NRXN3: variants seen among roughly 807,000 people sequenced by gnomAD.
NRXN3 encodes the protein neurexin III.
NRXN3 carries 32 observed loss-of-function variants against 137.6 expected under a neutral mutation model. The observed-to-expected ratio is 0.23, with a 90% confidence interval of 0.18 to 0.31. The LOEUF (loss-of-function observed/expected upper bound fraction) is 0.31. NRXN3 is among the 10% of genes least tolerant of loss of function. The probability of loss-of-function intolerance (pLI) is 1.00; values close to 1 mark genes in which losing one functional copy is unlikely to be tolerated. For synonymous variants in NRXN3, 798 were observed against 784.5 expected, an observed-to-expected ratio of 1.02 and a Z score of -0.29; for missense variants, 1,574 against 2,062.5, an observed-to-expected ratio of 0.76 and a Z score of 4.59.
At chr14:78,746,981 G>A (rs530763240) in intron 8 of NRXN3, among the ~76,000 whole-genome samples, 2 of 152,302 alleles carry the variant, frequency 1.3e-5, no homozygotes, top group South Asian at 4.1e-4. Flanking sequence ...ATGATCTGTG[G>A]TTGTTAAAAT....
intron 4 of NRXN3, among the ~76,000 whole-genome samples, chr14:78,513,920 A>G (rs1191798829): frequency 2.0e-5 from 3 of 152,128 alleles, no homozygotes; most frequent in Admixed American, 6.6e-5. Context: ...GGCTTCTATA[A>G]CATTGCTTAC....
chr14:79,674,274 A>G (rs915684379), intron 17 of NRXN3, among the ~76,000 whole-genome samples: 1 of 151,796 alleles, frequency 6.6e-6, no homozygotes, highest in East Asian at 1.9e-4. Flanking sequence ...TTTTTTTTAC[A>G]GTTTTATTGA....
intron 15 of NRXN3, among the ~76,000 whole-genome samples, chr14:79,093,329 G>T (rs532571507): frequency 2.0e-5 from 3 of 152,102 alleles, no homozygotes; most frequent in African/African-American, 4.8e-5. Context: ...CCCAGAAAAC[G>T]TAAGTAAGGC....
At chr14:78,884,845 A>G (rs1257944195) in intron 10 of NRXN3, among the ~76,000 whole-genome samples, 2 of 152,138 alleles carry the variant, frequency 1.3e-5, no homozygotes, top group Non-Finnish European at 1.5e-5. Context: ...TCTGGGTCTC[A>G]GTTTTCTCAT....
At chr14:79,792,684 T>C (rs1468313715) in intron 19 of NRXN3, among the ~76,000 whole-genome samples, 1 of 152,184 alleles carries the variant, frequency 6.6e-6, no homozygotes, top group Admixed American at 6.5e-5. Flanking sequence ...CAGCAGAGTT[T>C]GTGCTTATTG....
intron 4 of NRXN3, among the ~76,000 whole-genome samples, chr14:78,311,689 T>C (rs774719105): frequency 6.6e-6 from 1 of 152,068 alleles, no homozygotes; most frequent in Non-Finnish European, 1.5e-5. Context: ...AAAATAGTAA[T>C]CCTCATAAAA....
At chr14:78,850,044 T>C (rs2099038412) in intron 10 of NRXN3, among the ~76,000 whole-genome samples, 1 of 152,102 alleles carries the variant, frequency 6.6e-6, no homozygotes. Context: ...CAAAATGTAA[T>C]CACTTCCCTT....
At chr14:78,289,524 G>A (rs1208592256) in intron 3 of NRXN3, among the ~76,000 whole-genome samples, 1 of 151,890 alleles carries the variant, frequency 6.6e-6, no homozygotes, top group Middle Eastern at 3.4e-3. Context: ...CTTTTTTATG[G>A]CATTTCTGGC....
At position 79,518,352 on chromosome 14, in the gene NRXN3, GTCTT is replaced by G. The variant is rs940256365; in HGVS notation, c.3444+50954_3444+50957del. Reference sequence around the variant, plus strand: ...GCTATAACTTCTATGACCTATATGTGTCTTTCTATTTAGTGACATGATCTGTCTC... The same window carrying G: ...GCTATAACTTCTATGACCTATATGTGTCTATTTAGTGACATGATCTGTCTC... On this transcript the variant is annotated intron_variant, in intron 16 of 20. Coordinates refer to ENST00000335750, the MANE Select transcript of NRXN3 (RefSeq NM_001330195.2). 7.2e-5 allele frequency among the ~76,000 whole-genome samples: 11 copies of G among 152,060 alleles called. No individual in the cohort carries two copies. The East Asian group carries it at 1.5e-3, about 21-fold the overall frequency.
chr14:78,376,026 A>ACACACACACACG (rs1280191214), intron 4 of NRXN3, among the ~76,000 whole-genome samples: 1 of 151,812 alleles, frequency 6.6e-6, no homozygotes, highest in African/African-American at 2.4e-5. Flanking sequence ...ACACATACAC[A>ACACACACACACG]CACACACACA....
intron 19 of NRXN3, among the ~76,000 whole-genome samples, chr14:79,766,285 AG>A (rs1354934386): frequency 6.6e-6 from 1 of 152,140 alleles, no homozygotes; most frequent in Admixed American, 6.6e-5. Flanking sequence ...TTTTTCTCTA[AG>A]GATAGTGGCT....
At chr14:78,264,159 A>G (rs1355637067) in intron 2 of NRXN3, among the ~76,000 whole-genome samples, 4 of 152,210 alleles carry the variant, frequency 2.6e-5, no homozygotes, top group Non-Finnish European at 4.4e-5. Context: ...GGCAGCAGAT[A>G]TCTGTTGGGT....
chr14:79,682,706 G>T (rs1001640026), intron 17 of NRXN3, among the ~76,000 whole-genome samples: 4 of 152,108 alleles, frequency 2.6e-5, no homozygotes, highest in African/African-American at 9.7e-5. Context: ...CATCAAAATA[G>T]AGAATATATA....
chr14:78,264,163 G>C (rs2071293146), intron 2 of NRXN3, among the ~76,000 whole-genome samples: 1 of 152,210 alleles, frequency 6.6e-6, no homozygotes, highest in South Asian at 2.1e-4. Context: ...GCAGATATCT[G>C]TTGGGTCACT....
intron 15 of NRXN3, among the ~76,000 whole-genome samples, chr14:79,263,675 A>G (rs2077987316): frequency 6.6e-6 from 1 of 152,242 alleles, no homozygotes; most frequent in East Asian, 1.9e-4. Context: ...GTTCTTCAAC[A>G]TTTCTGGGTC....
intron 15 of NRXN3, among the ~76,000 whole-genome samples, chr14:78,995,610 G>A (rs2099528384): frequency 6.6e-6 from 1 of 152,090 alleles, no homozygotes; most frequent in African/African-American, 2.4e-5. Flanking sequence ...TAGGAGATAT[G>A]GCACATGATG....
intron 4 of NRXN3, among the ~76,000 whole-genome samples, chr14:78,558,850 G>T (rs144743565): frequency 2.6e-4 from 39 of 152,332 alleles, no homozygotes; most frequent in Non-Finnish European, 4.3e-4. Flanking sequence ...TGTGCTAAGT[G>T]CATTACCTAC....
chr14:79,551,309 G>T (rs1289298137), intron 16 of NRXN3, among the ~76,000 whole-genome samples: 1 of 152,148 alleles, frequency 6.6e-6, no homozygotes, highest in Non-Finnish European at 1.5e-5. Context: ...GGGAGAAGGA[G>T]CATGAGAGTC....
At chr14:78,673,732 G>T (rs746968156) in intron 6 of NRXN3, among the ~76,000 whole-genome samples, 3 of 152,096 alleles carry the variant, frequency 2.0e-5, no homozygotes, top group African/African-American at 7.2e-5. Flanking sequence ...TCCTAAGGGC[G>T]CTAATCCCAC....
Sources: allele counts gnomAD v4.1 joint callset (sites outside exome capture counted in the v4.1 genomes callset), GRCh38; gene constraint gnomAD v4.1.1; transcripts MANE v1.5; gene names NCBI Gene and HGNC (gene_info 2026-07-23, HGNC 2026-07-21).